Variants in AGO2 observed in about 807,000 individuals in gnomAD.
The protein encoded by AGO2 is argonaute RISC catalytic component 2, also known as protein argonaute-2.
In AGO2, 5 loss-of-function variants were observed where a neutral mutation model predicts 102.3. The observed-to-expected ratio is 0.05, with a 90% CI of 0.03 to 0.10. The LOEUF (loss-of-function observed/expected upper bound fraction) is 0.10, where lower values mean the gene tolerates loss of function less well. Ranked by LOEUF, AGO2 falls within the 10% of genes least tolerant of loss-of-function variation. The pLI, the probability that AGO2 is intolerant of heterozygous loss-of-function variation, is 1.00. For missense variants in AGO2, 541 were observed against 1,183.7 expected (o/e 0.46, Z 7.97); for synonymous variants, 449 against 473.1 (o/e 0.95, Z 0.66).
intron 17 of AGO2, among the ~76,000 whole-genome samples, chr8:140,534,679 T>C (rs1281678866): frequency 6.6e-6 from 1 of 152,228 alleles, no homozygotes; most frequent in Non-Finnish European, 1.5e-5. Flanking sequence ...ACAAAGTTCA[T>C]AGCAAATCCT....
intron 13 of AGO2, among the ~76,000 whole-genome samples, chr8:140,546,474 G>T (rs942450470): frequency 6.6e-6 from 1 of 152,216 alleles, no homozygotes; most frequent in Non-Finnish European, 1.5e-5. Context: ...CCAAGCACAG[G>T]CCTGTGCACA....
intron 1 of AGO2, among the ~76,000 whole-genome samples, chr8:140,624,804 G>A (rs2074255090): frequency 6.6e-6 from 1 of 152,254 alleles, no homozygotes; most frequent in Non-Finnish European, 1.5e-5. Context: ...TGAAACATCT[G>A]TCAACAAGAC....
At chr8:140,614,620 T>A (rs4961277) in intron 1 of AGO2, among the ~76,000 whole-genome samples, 1 of 151,994 alleles carries the variant, frequency 6.6e-6, no homozygotes, top group Non-Finnish European at 1.5e-5. Context: ...AAGGCGTCCT[T>A]CCGGGCCTGG....
At chr8:140,616,371 G>C (rs551305361) in intron 1 of AGO2, among the ~76,000 whole-genome samples, 7 of 152,314 alleles carry the variant, frequency 4.6e-5, no homozygotes, top group African/African-American at 1.7e-4. Context: ...GATTTGCCAT[G>C]CATTAATTCA....
At position 140,547,555 on chromosome 8, in the gene AGO2, C is replaced by T; in HGVS notation, c.1661G>A (p.Arg554Lys). 1 of 1,614,190 alleles carries T rather than the reference C, an allele frequency of 6.2e-7. No homozygotes were observed. The highest frequency in any genetic ancestry group is 8.5e-7 in the Non-Finnish European group (1 of 1,180,006). Reference protein sequence around the residue: ...TQCVQMKNVQRTTPQTLSNLC... With the variant: ...TQCVQMKNVQKTTPQTLSNLC... ...GTTGGACAGGGTCTGTGGCGTGGTC[C>T]TCTGCACGTTCTTCATCTGCACGCA... Residue 554 changes from arginine (R) to lysine (K), a missense_variant, in exon 13 of 19, where the codon AGG becomes AAG. By Grantham distance (26) the Arg-to-Lys change is conservative (BLOSUM62 2). Transcript: ENST00000220592.
intron 18 of AGO2, 84 bp from the exon 19 acceptor site, chr8:140,532,236 G>A: frequency 2.1e-6 from 3 of 1,446,824 alleles, no homozygotes; most frequent in Non-Finnish European, 1.9e-6. Context: ...AGTCGGGATG[G>A]CATGGCGGGA....
intron 1 of AGO2, 107 bp downstream of exon 1, chr8:140,635,364 CCCCCGCCGCCCCGA>C (rs1317566649): frequency 3.3e-6 from 2 of 604,350 alleles, no homozygotes; most frequent in Non-Finnish European, 4.1e-6. Context: ...CCGCCCCCGG[CCCCCGCCGCCCCGA>C]CCCCGCGGCC....
At chr8:140,583,807 G>A (rs1001965894) in intron 2 of AGO2, among the ~76,000 whole-genome samples, 1 of 152,188 alleles carries the variant, frequency 6.6e-6, no homozygotes, top group African/African-American at 2.4e-5. Context: ...CCCAGGAGGT[G>A]GAGACTACAG....
rs1467557787 is a variant in AGO2, at chr8:140,562,559, C to G, written c.412G>C (p.Val138Leu). 1 of 1,614,000 alleles carries G rather than the reference C, an allele frequency of 6.2e-7. No individual in the cohort carries two copies. Among genetic ancestry groups the G allele is most frequent in the Non-Finnish European group, 8.5e-7 (1 of 1,180,036 alleles). Reference sequence around the variant, plus strand: ...GCATCGTGTAACGCCTGCAAGCTCACGCAGGACACCCACTTGATGGACACC... The same window carrying G: ...GCATCGTGTAACGCCTGCAAGCTCAGGCAGGACACCCACTTGATGGACACC... ...FKVSIKWVSC[V>L]SLQALHDALS... Residue 138 changes from valine (V) to leucine (L), a missense_variant, in exon 4 of 19, where the codon GTG becomes CTG. This residue lies in a region of AGO2 where 147 missense variants were observed against 204.1 expected (regional missense o/e 0.72). Coordinates refer to ENST00000220592, the MANE Select transcript of AGO2 (RefSeq NM_012154.5).
chr8:140,520,779 A>T lies in AGO2; in HGVS notation c.*11265T>A, dbSNP rs2072404799. 6.6e-6 allele frequency: 1 copy of T among 152,112 alleles called. No individual in the cohort carries two copies. Among genetic ancestry groups the T allele is most frequent in the Non-Finnish European group, 1.5e-5 (1 of 68,034 alleles). The allele number at this position is 152,112 out of a possible 1,614,324, so 9.4% of individuals were successfully genotyped here. A position where few individuals can be genotyped will look rare whatever the true frequency, so the allele number is the denominator to read the frequency against. On this transcript the variant is annotated 3_prime_UTR_variant, in exon 19 of 19. Transcript: ENST00000220592. ...AACCTCTTGATGACATGGAGAAATG[A>T]ATTAAGAAAGCAGCATGAACAGGAA... is the stretch of plus-strand genomic sequence containing the variant.
intron 1 of AGO2, among the ~76,000 whole-genome samples, chr8:140,598,788 C>G (rs2073886913): frequency 6.6e-6 from 1 of 152,222 alleles, no homozygotes; most frequent in South Asian, 2.1e-4. Context: ...TTAAATGGCA[C>G]AAGACAATTG....
chr8:140,594,811 C>T (rs1012403608), intron 1 of AGO2, among the ~76,000 whole-genome samples: 3 of 98,816 alleles, frequency 3.0e-5, no homozygotes, highest in South Asian at 6.4e-4. Flanking sequence ...CCCGTCTCGA[C>T]GGAAAGAAAA....
At chr8:140,631,656 T>C (rs1361666870) in intron 1 of AGO2, among the ~76,000 whole-genome samples, 1 of 152,212 alleles carries the variant, frequency 6.6e-6, no homozygotes, top group Non-Finnish European at 1.5e-5. Flanking sequence ...GTGTGAACTT[T>C]GGTTAAAATT....
intron 1 of AGO2, among the ~76,000 whole-genome samples, chr8:140,599,711 T>A (rs1165667494): frequency 1.3e-5 from 2 of 152,164 alleles, no homozygotes; most frequent in Non-Finnish European, 2.9e-5. Context: ...ATCAAGACCC[T>A]CTCACGATTT....
rs1386366277 is a variant in AGO2, at chr8:140,553,404, G to GTTTTTTTTTTTTTTTTTTTTTT, written c.1270-1969_1270-1968insAAAAAAAAAAAAAAAAAAAAAA. Among the ~76,000 whole-genome samples, 3 of 101,704 alleles carry GTTTTTTTTTTTTTTTTTTTTTT rather than the reference G, an allele frequency of 2.9e-5. 1 individual carries two copies. Among genetic ancestry groups the GTTTTTTTTTTTTTTTTTTTTTT allele is most frequent in the Non-Finnish European group, 1.9e-5 (1 of 52,636 alleles). The allele number at this position is 101,704 out of a possible 152,430, so 66.7% of individuals were successfully genotyped here. A position where few individuals can be genotyped will look rare whatever the true frequency, so the allele number is the denominator to read the frequency against. ...GCCTCAAACAAGTTACAAGTTTTTT[G>GTTTTTTTTTTTTTTTTTTTTTT]TTTTTTGTTTTTTTTTTTTTTTGAG... On this transcript the variant is annotated intron_variant, in intron 10 of 18. Transcript: ENST00000220592.
intron 3 of AGO2, among the ~76,000 whole-genome samples, chr8:140,568,523 G>A (rs2073327826): frequency 6.6e-6 from 1 of 152,166 alleles, no homozygotes; most frequent in African/African-American, 2.4e-5. Flanking sequence ...TGGGGCGGCA[G>A]GAAGAGCGAC....
chr8:140,612,999 A>G (rs193181666), intron 1 of AGO2, among the ~76,000 whole-genome samples: 2 of 152,172 alleles, frequency 1.3e-5, no homozygotes, highest in East Asian at 3.9e-4. Context: ...GGAGATCGAC[A>G]CCATCCTGGC....
At position 140,599,532 on chromosome 8, in the gene AGO2, G is replaced by A. The variant is rs533123692; in HGVS notation, c.23-14221C>T. Among the ~76,000 whole-genome samples, 7 of 152,246 alleles carry A rather than the reference G, an allele frequency of 4.6e-5. No individual in the cohort carries two copies. The South Asian group carries it at 6.2e-4, about 14-fold the overall frequency. On this transcript the variant is annotated intron_variant, in intron 1 of 18. Coordinates refer to ENST00000220592, the MANE Select transcript of AGO2 (RefSeq NM_012154.5). ...CCCTAAAACCTGCAGCTCCAGGTCC[G>A]ACACTCCCAGGTTTGCGTTTTGAAT...
At chr8:140,609,541 G>A (rs575328702) in intron 1 of AGO2, among the ~76,000 whole-genome samples, 12 of 152,268 alleles carry the variant, frequency 7.9e-5, no homozygotes, top group Admixed American at 4.6e-4. Context: ...CTACAGCTGC[G>A]GCCTCACTCC....
Sources: allele counts gnomAD v4.1 joint callset (sites outside exome capture counted in the v4.1 genomes callset), GRCh38; gene constraint gnomAD v4.1.1; regional missense constraint gnomAD v4.1.1; transcripts MANE v1.5; gene names NCBI Gene and HGNC (gene_info 2026-07-23, HGNC 2026-07-21).